The following CACNA1A variants were observed in gnomAD, a reference collection of about 807,000 sequenced individuals.
The protein encoded by CACNA1A is voltage-dependent P/Q-type calcium channel subunit alpha-1A.
Under a neutral mutation model 262.4 loss-of-function variants are expected in CACNA1A, and 57 were observed. That is an observed-to-expected ratio of 0.22 (90% CI 0.18 to 0.27). The LOEUF is 0.27. Among genes scored for constraint, CACNA1A ranks in the 10% least tolerant of loss-of-function variants. The pLI is 1.00. For synonymous variants in CACNA1A, 1,431 were observed against 1,419.3 expected, an observed-to-expected ratio of 1.01 and a Z score of -0.18; for missense variants, 2,526 against 3,562.8, an observed-to-expected ratio of 0.71 and a Z score of 7.41.
chr19:13,253,771 A>T (rs1354166452), intron 29 of CACNA1A, among the ~76,000 whole-genome samples: 2 of 149,792 alleles, frequency 1.3e-5, no homozygotes, highest in East Asian at 3.9e-4. Context: ...ACGGAGTCTC[A>T]CTCTGTTACC....
At chr19:13,284,416 C>T (rs1223646423) in intron 21 of CACNA1A, 2 of 152,220 alleles carry the variant, frequency 1.3e-5, no homozygotes, top group Admixed American at 1.3e-4. Flanking sequence ...GCAGCTTCTC[C>T]CCCATCTTAT....
chr19:13,336,594 G>GGGGAGAGAGAGA (rs1555768097), intron 6 of CACNA1A, among the ~76,000 whole-genome samples: 1 of 65,496 alleles, frequency 1.5e-5, no homozygotes, highest in African/African-American at 5.1e-5. Flanking sequence ...AGAGAGAGAG[G>GGGGAGAGAGAGA]GAGAGAGAGA....
intron 1 of CACNA1A, among the ~76,000 whole-genome samples, chr19:13,490,038 G>A (rs1020349518): frequency 5.3e-5 from 8 of 152,192 alleles, no homozygotes; most frequent in South Asian, 4.2e-4. Context: ...ATTTTTGTCC[G>A]TGTGTTTATT....
rs1345559644 is a variant in CACNA1A at position 13,259,644 on chromosome 19, C to T, written c.4308G>A (p.Lys1436=). ...NEVKARDREW[K]KYEFHYDNVL... ...CATTGTCGTAATGGAATTCATACTTCTTCCACTCCCGGTCTCGCGCCTTCA... is the reference window on the plus strand; with the variant it reads ...CATTGTCGTAATGGAATTCATACTTTTTCCACTCCCGGTCTCGCGCCTTCA... Residue 1436 remains lysine (K), a synonymous_variant, in exon 27 of 47, where the codon AAG becomes AAA. Coordinates refer to ENST00000360228, the MANE Select transcript of CACNA1A (RefSeq NM_001127222.2). 1 of 1,610,758 alleles carries T rather than the reference C, an allele frequency of 6.2e-7. No individual in the cohort carries two copies. Among genetic ancestry groups the T allele is most frequent in the East Asian group, 2.2e-5 (1 of 44,860 alleles).
At position 13,280,678 on chromosome 19, in the gene CACNA1A, C is replaced by T. The variant is rs189178407; in HGVS notation, c.3822+2589G>A. Among the ~76,000 whole-genome samples the T allele has an allele frequency of 3.9e-3, 587 of 152,102 alleles. 6 individuals carry two copies. The highest frequency in any genetic ancestry group is 0.014 in the African/African-American group (567 of 41,522). On this transcript the variant is annotated intron_variant, in intron 22 of 46. Coordinates refer to ENST00000360228, the MANE Select transcript of CACNA1A (RefSeq NM_001127222.2). ...CTCATTGACCGGGCGTGGTGGCTCACGCCTGTAATCCCAGCACTTTGGGAG... is the reference window on the plus strand; with the variant it reads ...CTCATTGACCGGGCGTGGTGGCTCATGCCTGTAATCCCAGCACTTTGGGAG...
intron 1 of CACNA1A, among the ~76,000 whole-genome samples, chr19:13,471,222 CCTA>C (rs1261205604): frequency 1.3e-5 from 2 of 152,204 alleles, no homozygotes; most frequent in African/African-American, 4.8e-5. Flanking sequence ...CTGCAAAGAT[CCTA>C]CTTTCAAATG....
intron 30 of CACNA1A, among the ~76,000 whole-genome samples, chr19:13,251,354 G>T (rs1251795397): frequency 6.6e-6 from 1 of 151,882 alleles, no homozygotes; most frequent in Non-Finnish European, 1.5e-5. Flanking sequence ...GTGGTGGCAG[G>T]CACCTGTAGT....
intron 1 of CACNA1A, among the ~76,000 whole-genome samples, chr19:13,499,448 G>C (rs576223080): frequency 2.6e-5 from 1 of 38,268 alleles, no homozygotes; most frequent in African/African-American, 7.1e-5. Context: ...CGCAGGGGGT[G>C]GTGGGGGGGG....
At chr19:13,414,010 G>A (rs910279580) in intron 3 of CACNA1A, among the ~76,000 whole-genome samples, 19 of 152,008 alleles carry the variant, frequency 1.2e-4, no homozygotes, top group African/African-American at 4.6e-4. Context: ...AGTGGAAGGT[G>A]AGATAAAAGC....
intron 6 of CACNA1A, among the ~76,000 whole-genome samples, chr19:13,351,751 A>AC (rs1273216081): frequency 6.6e-6 from 1 of 151,460 alleles, no homozygotes. Flanking sequence ...CTCGTGATCC[A>AC]CCCGCCTCGG....
intron 3 of CACNA1A, among the ~76,000 whole-genome samples, chr19:13,435,206 TG>T (rs1447472571): frequency 6.6e-6 from 1 of 151,386 alleles, no homozygotes; most frequent in Non-Finnish European, 1.5e-5. Context: ...CTCTGCCTCC[TG>T]GGTTCAAGCA....
At chr19:13,217,882 G>A (rs1034613477) in intron 38 of CACNA1A, among the ~76,000 whole-genome samples, 2 of 149,104 alleles carry the variant, frequency 1.3e-5, no homozygotes, top group Admixed American at 1.3e-4. Flanking sequence ...CCTGAAGAGT[G>A]TCTTTATTTA....
chr19:13,304,614 G>C (rs974345117), intron 15 of CACNA1A, among the ~76,000 whole-genome samples: 1 of 131,032 alleles, frequency 7.6e-6, no homozygotes, highest in African/African-American at 2.9e-5. Flanking sequence ...AAAAAAATGT[G>C]ATTTGCCTAA....
chr19:13,431,457 G>C (rs2060502320), intron 3 of CACNA1A, among the ~76,000 whole-genome samples: 1 of 152,018 alleles, frequency 6.6e-6, no homozygotes, highest in African/African-American at 2.4e-5. Flanking sequence ...AGCACTGCAG[G>C]GGGTTAAAGC....
At chr19:13,302,083 C>A (rs975631640) in intron 17 of CACNA1A, among the ~76,000 whole-genome samples, 2 of 152,188 alleles carry the variant, frequency 1.3e-5, no homozygotes, top group Non-Finnish European at 2.9e-5. Context: ...TGGTACACAG[C>A]AGTTAAGAGC....
intron 15 of CACNA1A, among the ~76,000 whole-genome samples, chr19:13,305,212 C>A (rs2057876003): frequency 6.6e-6 from 1 of 152,146 alleles, no homozygotes; most frequent in African/African-American, 2.4e-5. Context: ...GGTCATCCCA[C>A]CTGAGGGTGA....
chr19:13,216,800 C>A (rs1352409498), intron 38 of CACNA1A, among the ~76,000 whole-genome samples: 1 of 152,142 alleles, frequency 6.6e-6, no homozygotes, highest in Non-Finnish European at 1.5e-5. Flanking sequence ...AATCCACATT[C>A]TGACAGTCAG....
chr19:13,319,637 C>A lies in CACNA1A; in HGVS notation c.1346-2316G>T, dbSNP rs111661475. On this transcript the variant is annotated intron_variant, in intron 10 of 46. Coordinates refer to ENST00000360228, the MANE Select transcript of CACNA1A (RefSeq NM_001127222.2). ...ACCCTAGGGGCCATACCGACTCATA[C>A]TGGGTTTGTGAAAGCTGAAATTATT... Among the ~76,000 whole-genome samples, 1,153 of 152,294 alleles carry A rather than the reference C, an allele frequency of 7.6e-3. 10 individuals carry two copies. The highest frequency in any genetic ancestry group is 0.012 in the Non-Finnish European group (828 of 68,022).
Position 13,246,816 on chromosome 19 carries a change from C to T in CACNA1A, c.4867-1551G>A, listed in dbSNP as rs373855490. Among the ~76,000 whole-genome samples the T allele has an allele frequency of 8.3e-3, 1,268 of 152,184 alleles. 19 individuals carry two copies. The highest frequency in any genetic ancestry group is 0.027 in the South Asian group (128 of 4,816). ...AATTTTTTGTATTTTTTAGTAGAGA[C>T]GGGGTTTCACCATGTTAGCCAGGAT... On this transcript the variant is annotated intron_variant, in intron 30 of 46. Coordinates refer to ENST00000360228, the MANE Select transcript of CACNA1A (RefSeq NM_001127222.2).
Sources: gnomAD v4.1 joint callset for allele counts (sites outside exome capture counted in the v4.1 genomes callset) on GRCh38, gnomAD v4.1.1 for gene constraint, MANE v1.5 for transcripts, NCBI Gene and HGNC (gene_info 2026-07-23, HGNC 2026-07-21) for gene names.